The following ACYP2 variants were observed in gnomAD, a reference collection of about 807,000 sequenced individuals.
ACYP2 encodes acylphosphatase 2, also known as acylphosphatase-2.
Under a neutral mutation model 11.2 loss-of-function variants are expected in ACYP2, and 12 were observed. The ratio of observed to expected loss-of-function variants is 1.08; its 90% CI spans 0.69 to 1.74. The LOEUF (loss-of-function observed/expected upper bound fraction) is 1.74, where lower values mean the gene tolerates loss of function less well. Ranked by LOEUF, ACYP2 falls within the 40% of genes most tolerant of loss-of-function variation. The pLI, the probability that ACYP2 is intolerant of heterozygous loss-of-function variation, is 0.00. For synonymous variants in ACYP2, 43 were observed against 32.2 expected (o/e 1.33, Z -1.13); for missense variants, 134 against 101.9 (o/e 1.31, Z -1.35).
intron 6 of ACYP2, among the ~76,000 whole-genome samples, chr2:54,198,591 T>C (rs1485035721): frequency 1.3e-5 from 2 of 148,966 alleles, no homozygotes; most frequent in South Asian, 2.2e-4. Flanking sequence ...TTTTGTTGTT[T>C]AATGTCATTC....
chr2:54,111,755 A>G (rs1358749523), intron 4 of ACYP2, among the ~76,000 whole-genome samples: 3 of 152,264 alleles, frequency 2.0e-5, no homozygotes, highest in Non-Finnish European at 4.4e-5. Flanking sequence ...TGGGTCCTGC[A>G]CTTTCAACAT....
intron 6 of ACYP2, among the ~76,000 whole-genome samples, chr2:54,163,408 CCCTCTGTTAT>C (rs1172946600): frequency 2.6e-5 from 4 of 152,072 alleles, no homozygotes; most frequent in Non-Finnish European, 5.9e-5. Context: ...GTCTCTGAGA[CCCTCTGTTAT>C]AATCAGCAGT....
chr2:54,150,867 G>T (rs1324959208), intron 6 of ACYP2, among the ~76,000 whole-genome samples: 1 of 150,700 alleles, frequency 6.6e-6, no homozygotes, highest in African/African-American at 2.4e-5. Flanking sequence ...TCAGCCTCCC[G>T]AGTAGCTGGG....
intron 2 of ACYP2, among the ~76,000 whole-genome samples, chr2:53,995,540 G>GT (rs1181788144): frequency 6.8e-6 from 1 of 147,270 alleles, no homozygotes; most frequent in Admixed American, 6.8e-5. Context: ...GTCTCTTTCT[G>GT]TTGCCCAGGC....
chr2:54,284,167 T>A (rs369667938), intron 6 of ACYP2, among the ~76,000 whole-genome samples: 98 of 152,320 alleles, frequency 6.4e-4, no homozygotes, highest in African/African-American at 2.2e-3. Context: ...AAAAAAATCA[T>A]ATAATTAAAA....
intron 6 of ACYP2, among the ~76,000 whole-genome samples, chr2:54,139,279 C>A (rs950737393): frequency 2.4e-4 from 37 of 152,236 alleles, no homozygotes; most frequent in African/African-American, 8.4e-4. Context: ...CTTAGGGTAG[C>A]GTTCCAGGCA....
chr2:54,250,272 T>G (rs1281597747), intron 6 of ACYP2, among the ~76,000 whole-genome samples: 1 of 151,962 alleles, frequency 6.6e-6, no homozygotes, highest in Non-Finnish European at 1.5e-5. Context: ...AGGTCAGGAG[T>G]TCGAGACCAG....
At chr2:54,178,229 T>C in intron 6 of ACYP2, among the ~76,000 whole-genome samples, 1 of 152,358 alleles carries the variant, frequency 6.6e-6, no homozygotes, top group East Asian at 1.9e-4. Context: ...CCTATTGTTA[T>C]ATATACACTT....
At chr2:54,014,535 G>C (rs1039065442) in intron 2 of ACYP2, among the ~76,000 whole-genome samples, 6 of 151,878 alleles carry the variant, frequency 4.0e-5, no homozygotes, top group African/African-American at 1.5e-4. Flanking sequence ...TGGCCAGGCT[G>C]GTCTCAAACT....
chr2:54,041,514 C>T (rs1331607206), intron 2 of ACYP2, among the ~76,000 whole-genome samples: 1 of 152,152 alleles, frequency 6.6e-6, no homozygotes, highest in East Asian at 1.9e-4. Context: ...TTGTTAGCAG[C>T]ATTAAGGGCT....
At chr2:54,072,810 G>C (rs1426012918) in intron 4 of ACYP2, among the ~76,000 whole-genome samples, 1 of 151,980 alleles carries the variant, frequency 6.6e-6, no homozygotes, top group African/African-American at 2.4e-5. Context: ...TGATCTGCCT[G>C]CCTCAGCCTC....
intron 4 of ACYP2, among the ~76,000 whole-genome samples, chr2:54,104,973 G>A (rs563451741): frequency 5.3e-5 from 8 of 152,300 alleles, no homozygotes; most frequent in Admixed American, 5.2e-4. Context: ...TATAATTCAG[G>A]TATTCCCTTC....
At chr2:54,295,986 C>T (rs1018342712) in intron 6 of ACYP2, among the ~76,000 whole-genome samples, 2 of 152,082 alleles carry the variant, frequency 1.3e-5, no homozygotes, top group Non-Finnish European at 2.9e-5. Flanking sequence ...GTCTCGCATT[C>T]CTGGCCTCAA....
intron 6 of ACYP2, among the ~76,000 whole-genome samples, chr2:54,211,174 T>C (rs566115137): frequency 6.6e-6 from 1 of 151,980 alleles, no homozygotes; most frequent in South Asian, 2.1e-4. Context: ...ATCATAAAAA[T>C]TAAAACAGAA....
chr2:53,988,020 T>G (rs1333758594), intron 2 of ACYP2, among the ~76,000 whole-genome samples: 1 of 152,116 alleles, frequency 6.6e-6, no homozygotes, highest in Non-Finnish European at 1.5e-5. Flanking sequence ...ATTGATGAGG[T>G]CCAGTTTATC....
chr2:54,157,103 G>A (rs549175418), intron 6 of ACYP2, among the ~76,000 whole-genome samples: 1 of 152,092 alleles, frequency 6.6e-6, no homozygotes, highest in Non-Finnish European at 1.5e-5. Context: ...TTACATGGTT[G>A]TCCTAAAATT....
chr2:54,171,222 C>T (rs1290146951), intron 6 of ACYP2, among the ~76,000 whole-genome samples: 2 of 152,170 alleles, frequency 1.3e-5, no homozygotes, highest in Non-Finnish European at 2.9e-5. Flanking sequence ...TCCTTCGTGT[C>T]TGCTGTCCAG....
intron 4 of ACYP2, among the ~76,000 whole-genome samples, chr2:54,107,448 A>G (rs926375651): frequency 5.3e-5 from 8 of 152,088 alleles, no homozygotes; most frequent in African/African-American, 1.9e-4. Flanking sequence ...ATGCTCCTCT[A>G]TTGACAGAAA....
At chr2:54,108,904 C>A (rs1225562301) in intron 4 of ACYP2, among the ~76,000 whole-genome samples, 2 of 152,070 alleles carry the variant, frequency 1.3e-5, no homozygotes, top group African/African-American at 2.4e-5. Context: ...TAGATATATT[C>A]TTTTGCATTT....
Sources: allele counts gnomAD v4.1 joint callset (sites outside exome capture counted in the v4.1 genomes callset), GRCh38; gene constraint gnomAD v4.1.1; transcripts MANE v1.5; gene names NCBI Gene and HGNC (gene_info 2026-07-23, HGNC 2026-07-21).